The following PHLDB2 variants were observed in gnomAD, a reference collection of about 807,000 sequenced individuals.
PHLDB2 encodes pleckstrin homology like domain family B member 2.
PHLDB2 carries 71 observed loss-of-function variants against 123.6 expected under a neutral mutation model. The ratio of observed to expected loss-of-function variants is 0.57; its 90% confidence interval spans 0.47 to 0.70. The LOEUF (loss-of-function observed/expected upper bound fraction) is 0.70, where lower values mean the gene tolerates loss of function less well. Ranked by LOEUF, PHLDB2 falls within the 30% of genes least tolerant of loss-of-function variation. The pLI is 0.00. For synonymous variants in PHLDB2, 547 were observed against 541.6 expected, an observed-to-expected ratio of 1.01 and a Z score of -0.14; for missense variants, 1,446 against 1,519.5, an observed-to-expected ratio of 0.95 and a Z score of 0.80.
chr3:111,953,576 G>A (rs142236033), intron 11 of PHLDB2, among the ~76,000 whole-genome samples: 1,596 of 152,258 alleles, frequency 0.01, 17 homozygotes, highest in Non-Finnish European at 0.012. Flanking sequence ...GCTCTTCCCT[G>A]TTCTTTTGCA....
chr3:111,921,158 G>A (rs1240283205), intron 5 of PHLDB2, among the ~76,000 whole-genome samples: 1 of 152,166 alleles, frequency 6.6e-6, no homozygotes, highest in Non-Finnish European at 1.5e-5. Flanking sequence ...GTCTGTTTAT[G>A]TGTTTTTTTC....
intron 2 of PHLDB2, among the ~76,000 whole-genome samples, chr3:111,898,485 C>T (rs1246039976): frequency 6.6e-6 from 1 of 151,984 alleles, no homozygotes; most frequent in Non-Finnish European, 1.5e-5. Context: ...ACCCAGCCAG[C>T]AATTTTTTAA....
intron 1 of PHLDB2, among the ~76,000 whole-genome samples, chr3:111,828,878 C>T (rs141206790): frequency 2.0e-3 from 300 of 152,302 alleles, no homozygotes; most frequent in African/African-American, 6.8e-3. Flanking sequence ...TCTATTGAGT[C>T]CCTGCCAAAT....
At chr3:111,922,503 C>T (rs879664638) in intron 5 of PHLDB2, among the ~76,000 whole-genome samples, 2 of 152,124 alleles carry the variant, frequency 1.3e-5, no homozygotes, top group Non-Finnish European at 2.9e-5. Context: ...CGCATAGGAC[C>T]AGCTCATACA....
At chr3:111,934,314 A>C (rs1024598836) in intron 6 of PHLDB2, among the ~76,000 whole-genome samples, 11 of 152,192 alleles carry the variant, frequency 7.2e-5, no homozygotes, top group Admixed American at 6.5e-5. Flanking sequence ...ATGAGAAGTA[A>C]GTCCTAAAGT....
intron 1 of PHLDB2, among the ~76,000 whole-genome samples, chr3:111,814,247 G>A (rs1183756897): frequency 6.6e-6 from 1 of 152,058 alleles, no homozygotes; most frequent in Non-Finnish European, 1.5e-5. Flanking sequence ...TGATCTGGGT[G>A]GGCACAATCT....
In PHLDB2 at chr3:111,944,995, A is replaced by C. The variant is rs984960763; in HGVS notation, c.2398-273A>C. Among the ~76,000 whole-genome samples the C allele has an allele frequency of 4.6e-5, 7 of 152,176 alleles. 1 individual carries two copies. Among genetic ancestry groups the C allele is most frequent in the Non-Finnish European group, 1.5e-5 (1 of 68,016 alleles). ...CTGAAAATAATGTTTTTAAAATTTT[A>C]TTTTAAACACATTTTTAAATGACTC... is the stretch of plus-strand genomic sequence containing the variant. On this transcript the variant is annotated intron_variant, in intron 8 of 17. Coordinates refer to ENST00000431670, the MANE Select transcript of PHLDB2 (RefSeq NM_001134438.2).
intron 1 of PHLDB2, among the ~76,000 whole-genome samples, chr3:111,870,953 G>A (rs2065310035): frequency 1.3e-5 from 2 of 152,104 alleles, no homozygotes; most frequent in South Asian, 4.1e-4. Flanking sequence ...GCTCTTGCAG[G>A]GCATGAGTAT....
At chr3:111,831,865 T>A (rs1219517909) in intron 1 of PHLDB2, among the ~76,000 whole-genome samples, 2 of 152,176 alleles carry the variant, frequency 1.3e-5, no homozygotes, top group African/African-American at 4.8e-5. Context: ...CTTCTGCCTC[T>A]CCTATTATGT....
intron 1 of PHLDB2, among the ~76,000 whole-genome samples, chr3:111,755,008 A>G (rs199590839): frequency 9.1e-6 from 1 of 109,924 alleles, no homozygotes; most frequent in East Asian, 2.6e-4. Context: ...AGCCCACTTG[A>G]TCATGGTGGA....
intron 1 of PHLDB2, among the ~76,000 whole-genome samples, chr3:111,753,788 A>G (rs2066062058): frequency 6.6e-6 from 1 of 152,154 alleles, no homozygotes; most frequent in African/African-American, 2.4e-5. Flanking sequence ...TTTAGGTCTA[A>G]CGTTTAAGTC....
intron 3 of PHLDB2, among the ~76,000 whole-genome samples, chr3:111,917,874 G>A (rs923028572): frequency 6.6e-6 from 1 of 151,968 alleles, no homozygotes; most frequent in Non-Finnish European, 1.5e-5. Flanking sequence ...CAACTTAATG[G>A]GTTTTTTGGG....
At chr3:111,803,678 A>G (rs2061464710) in intron 1 of PHLDB2, among the ~76,000 whole-genome samples, 1 of 152,146 alleles carries the variant, frequency 6.6e-6, no homozygotes, top group Non-Finnish European at 1.5e-5. Context: ...CACTAATTAC[A>G]CTCAGAAACT....
chr3:111,792,087 A>G (rs1240883359), intron 1 of PHLDB2, among the ~76,000 whole-genome samples: 2 of 152,168 alleles, frequency 1.3e-5, no homozygotes, highest in African/African-American at 4.8e-5. Flanking sequence ...GTTTGTCTAT[A>G]TGCTCTACTA....
intron 16 of PHLDB2, among the ~76,000 whole-genome samples, chr3:111,971,249 T>C (rs2072157537): frequency 6.6e-6 from 1 of 152,186 alleles, no homozygotes; most frequent in Admixed American, 6.5e-5. Flanking sequence ...AATACAACTT[T>C]AAAGAACTTC....
intron 13 of PHLDB2, 30 bp downstream of exon 13, chr3:111,962,342 G>A (rs1356193934): frequency 6.3e-7 from 1 of 1,582,070 alleles, no homozygotes; most frequent in African/African-American, 1.4e-5. Context: ...AAGGTTTCTG[G>A]TTTGGAAAAG....
chr3:111,766,639 G>A (rs1057043811), intron 1 of PHLDB2, among the ~76,000 whole-genome samples: 1 of 151,964 alleles, frequency 6.6e-6, no homozygotes. Context: ...TACAACATGG[G>A]ATAAATTAAG....
chr3:111,928,048 A>C (rs1303726504), intron 5 of PHLDB2, among the ~76,000 whole-genome samples: 1 of 152,188 alleles, frequency 6.6e-6, no homozygotes, highest in African/African-American at 2.4e-5. Context: ...TTTAGTGTAA[A>C]CTTTTAACAA....
At chr3:111,918,924 C>A in intron 3 of PHLDB2, 148 bp from the exon 4 acceptor site, 1 of 820,368 alleles carries the variant, frequency 1.2e-6, no homozygotes, top group South Asian at 1.7e-5. Context: ...CACATCAGAG[C>A]TCCAAGCGTG....
Sources: gnomAD v4.1 joint callset for allele counts (sites outside exome capture counted in the v4.1 genomes callset) on GRCh38, gnomAD v4.1.1 for gene constraint, MANE v1.5 for transcripts, NCBI Gene and HGNC (gene_info 2026-07-23, HGNC 2026-07-21) for gene names.